Variants in NDST3 observed in about 807,000 individuals in gnomAD.
The protein encoded by NDST3 is N-deacetylase and N-sulfotransferase 3.
Under a neutral mutation model 96.1 loss-of-function variants are expected in NDST3, and 58 were observed. The ratio of observed to expected loss-of-function variants is 0.60; its 90% CI spans 0.49 to 0.75. The LOEUF (loss-of-function observed/expected upper bound fraction) is 0.75. NDST3 is among the 30% of genes least tolerant of loss of function. NDST3 has a pLI of 0.00. For missense variants in NDST3, 788 were observed against 1,034.2 expected (o/e 0.76, Z 3.27); for synonymous variants, 333 against 359.7 (o/e 0.93, Z 0.84).
At chr4:118,225,932 A>C (rs1739847056) in intron 7 of NDST3, among the ~76,000 whole-genome samples, 1 of 152,168 alleles carries the variant, frequency 6.6e-6, no homozygotes, top group Non-Finnish European at 1.5e-5. Flanking sequence ...TTTCCTGCTA[A>C]TTCAACCTTA....
chr4:118,090,348 A>G (rs1728765206), intron 2 of NDST3, among the ~76,000 whole-genome samples: 1 of 152,002 alleles, frequency 6.6e-6, no homozygotes, highest in African/African-American at 2.4e-5. Flanking sequence ...TCTGTTTAGG[A>G]GGCATTTGTA....
chr4:118,116,048 A>G (rs1290745380), intron 4 of NDST3, among the ~76,000 whole-genome samples: 1 of 151,922 alleles, frequency 6.6e-6, no homozygotes, highest in Middle Eastern at 3.4e-3. Flanking sequence ...TGAGAAGGAG[A>G]GTCATCTTTT....
chr4:118,190,219 T>C (rs1737219502), intron 6 of NDST3, among the ~76,000 whole-genome samples: 1 of 152,110 alleles, frequency 6.6e-6, no homozygotes, highest in Non-Finnish European at 1.5e-5. Flanking sequence ...TGAACTGTTT[T>C]ATATCAGTAT....
intron 6 of NDST3, among the ~76,000 whole-genome samples, chr4:118,150,017 G>A (rs1477664938): frequency 6.6e-6 from 1 of 151,328 alleles, no homozygotes. Flanking sequence ...AGATAATCAT[G>A]TGGTTTTTGT....
intron 3 of NDST3, among the ~76,000 whole-genome samples, chr4:118,111,342 A>G (rs879798145): frequency 3.3e-5 from 5 of 152,048 alleles, no homozygotes; most frequent in Non-Finnish European, 7.4e-5. Flanking sequence ...TAAAATACAT[A>G]CAATCTGCAT....
At chr4:118,153,271 C>T (rs1253402454) in intron 6 of NDST3, among the ~76,000 whole-genome samples, 1 of 152,078 alleles carries the variant, frequency 6.6e-6, no homozygotes, top group African/African-American at 2.4e-5. Flanking sequence ...TTGCTCCATA[C>T]CCACTTGGAA....
chr4:118,148,526 A>T (rs1443471353), intron 6 of NDST3, among the ~76,000 whole-genome samples: 1 of 152,206 alleles, frequency 6.6e-6, no homozygotes, highest in African/African-American at 2.4e-5. Context: ...AATCCCTAAA[A>T]GTTAAATCTA....
chr4:118,200,460 T>C (rs764041423), intron 6 of NDST3, among the ~76,000 whole-genome samples: 1 of 152,192 alleles, frequency 6.6e-6, no homozygotes, highest in Non-Finnish European at 1.5e-5. Context: ...AGGTCCCTTC[T>C]GGCCTAAGGC....
chr4:118,052,083 T>A (rs944600370), intron 1 of NDST3, among the ~76,000 whole-genome samples: 2 of 152,068 alleles, frequency 1.3e-5, no homozygotes, highest in African/African-American at 4.8e-5. Context: ...TGCATACACT[T>A]GTATGTTTAT....
chr4:118,060,780 A>G (rs1474816442), intron 2 of NDST3, among the ~76,000 whole-genome samples: 1 of 152,080 alleles, frequency 6.6e-6, no homozygotes, highest in African/African-American at 2.4e-5. Context: ...ACAAGTGCCA[A>G]TATCTTCATA....
intron 13 of NDST3, among the ~76,000 whole-genome samples, chr4:118,254,208 G>A (rs1417567764): frequency 2.7e-5 from 4 of 147,596 alleles, no homozygotes; most frequent in African/African-American, 1.0e-4. Flanking sequence ...TTGCACCATT[G>A]CGCTCCAGCC....
At chr4:118,138,412 T>C (rs2125899781) in intron 5 of NDST3, among the ~76,000 whole-genome samples, 173 bp downstream of exon 5, 1 of 152,370 alleles carries the variant, frequency 6.6e-6, no homozygotes, top group East Asian at 1.9e-4. Context: ...TCACTTCTTT[T>C]CAATTCTTCA....
intron 4 of NDST3, among the ~76,000 whole-genome samples, chr4:118,118,007 G>A (rs572987326): frequency 2.0e-4 from 30 of 152,226 alleles, no homozygotes; most frequent in Non-Finnish European, 4.0e-4. Flanking sequence ...GGGGTCGAAG[G>A]GGTAGGGGAG....
intron 3 of NDST3, among the ~76,000 whole-genome samples, chr4:118,114,252 A>G (rs1730873849): frequency 6.6e-6 from 1 of 152,174 alleles, no homozygotes; most frequent in Non-Finnish European, 1.5e-5. Context: ...TTCATCCTTC[A>G]GTTTTCCCTA....
chr4:118,171,852 G>A (rs1234265539), intron 6 of NDST3, among the ~76,000 whole-genome samples: 3 of 152,150 alleles, frequency 2.0e-5, no homozygotes, highest in Non-Finnish European at 4.4e-5. Flanking sequence ...AGTAGGGCTT[G>A]TTGGTAAATG....
At chr4:118,066,197 TATATTTTATATATTATACATA>T in intron 2 of NDST3, among the ~76,000 whole-genome samples, 1 of 68,304 alleles carries the variant, frequency 1.5e-5, no homozygotes, top group African/African-American at 5.7e-5. Context: ...TCTTATATAT[TATATTTTATATATTATACATA>T]ATATATTATA....
At chr4:118,195,632 C>CTTTCTTGA (rs1737629624) in intron 6 of NDST3, among the ~76,000 whole-genome samples, 1 of 152,182 alleles carries the variant, frequency 6.6e-6, no homozygotes, top group Non-Finnish European at 1.5e-5. Context: ...ATTAGGATTA[C>CTTTCTTGA]TTTCTTGATT....
intron 2 of NDST3, among the ~76,000 whole-genome samples, chr4:118,088,736 G>C (rs1728632819): frequency 6.6e-6 from 1 of 152,034 alleles, no homozygotes; most frequent in Admixed American, 6.6e-5. Flanking sequence ...TTCTAAGCCA[G>C]TGTGCGTATT....
At chr4:118,194,073 T>A in intron 6 of NDST3, 1 of 1,448,456 alleles carries the variant, frequency 6.9e-7, no homozygotes, top group Non-Finnish European at 9.6e-7. Context: ...TTTGGTGGGA[T>A]TTGGAACTTT....
Sources: gnomAD v4.1 joint callset for allele counts (sites outside exome capture counted in the v4.1 genomes callset) on GRCh38, gnomAD v4.1.1 for gene constraint, MANE v1.5 for transcripts, NCBI Gene and HGNC (gene_info 2026-07-23, HGNC 2026-07-21) for gene names.